Variants in CRB2 observed in about 807,000 individuals in gnomAD.
The protein encoded by CRB2 is crumbs cell polarity complex component 2, also known as protein crumbs homolog 2.
A neutral mutation model predicts 110.9 loss-of-function variants in CRB2; 85 were observed. The ratio of observed to expected loss-of-function variants is 0.77; its 90% CI spans 0.64 to 0.92. CRB2 has a LOEUF of 0.92. Ranked by LOEUF, CRB2 falls within the 40% of genes least tolerant of loss-of-function variation. The pLI, the probability that CRB2 is intolerant of heterozygous loss-of-function variation, is 0.00. For synonymous variants in CRB2, 907 were observed against 831.0 expected (o/e 1.09, Z -1.57); for missense variants, 1,843 against 1,851.3 (o/e 1.00, Z 0.08).
At position 123,371,474 on chromosome 9, in the gene CRB2, C is replaced by A. The variant is rs758601913; in HGVS notation, c.2332C>A (p.Pro778Thr). ...CCTGCGACTCGATGGCTGCCACCTC[C>A]CCTTCTTTCCTCTGCCACTGGATAA... ...QDLRLDGCHLPFFPLPLDNSS... is the reference protein window; with the variant it reads ...QDLRLDGCHLTFFPLPLDNSS... The change falls in exon 8 of 13, where the codon CCC becomes ACC. Residue 778 changes from proline (P) to threonine (T), a missense_variant. Physicochemically the swap from Pro to Thr is conservative, Grantham distance 38. Transcript: ENST00000373631. 4 of 1,613,148 alleles carry A rather than the reference C, an allele frequency of 2.5e-6. No individual in the cohort carries two copies. The East Asian group carries it at 8.9e-5, about 36-fold the overall frequency.
chr9:123,374,781 C>A, intron 11 of CRB2, 86 bp downstream of exon 11: 2 of 866,290 alleles, frequency 2.3e-6, no homozygotes, highest in South Asian at 3.1e-5. Flanking sequence ...GGGGTCCTCG[C>A]CCACCTTCTC....
rs753426684 is a variant in CRB2, at chr9:123,370,268, C to T, written c.1215C>T (p.Cys405=). The T allele has an allele frequency of 1.2e-6, 2 of 1,613,344 alleles. No individual in the cohort carries two copies. Among genetic ancestry groups the T allele is most frequent in the Non-Finnish European group, 8.5e-7 (1 of 1,180,018 alleles). The change falls in exon 7 of 13, where the codon TGC becomes TGT. Residue 405 remains cysteine (C), a synonymous_variant. Transcript: ENST00000373631. Reference sequence around the variant, plus strand: ...TCACTGGCTGCCAGGGCCACACCTGCCCGCTGGCTGCCACCTGCATCCCTA... The same window carrying T: ...TCACTGGCTGCCAGGGCCACACCTGTCCGCTGGCTGCCACCTGCATCCCTA... ...VQLTGCQGHT[C]PLAATCIPIF...
chr9:123,372,085 TAGG>T, intron 8 of CRB2, 89 bp from the exon 9 acceptor site: 1 of 1,241,268 alleles, frequency 8.1e-7, no homozygotes, highest in South Asian at 1.3e-5. Context: ...GTGTCTGTAG[TAGG>T]TGCTCAGCGA....
At position 123,375,209 on chromosome 9, in the gene CRB2, C is replaced by G. The variant is rs745586143; in HGVS notation, c.3507-8C>G. The G allele has an allele frequency of 1.6e-5, 25 of 1,612,548 alleles. No homozygotes were observed. Among genetic ancestry groups the G allele is most frequent in the Non-Finnish European group, 2.1e-5 (25 of 1,179,488 alleles). On this transcript the variant is annotated splice_region_variant and splice_polypyrimidine_tract_variant and intron_variant, in intron 11 of 12. Coordinates refer to ENST00000373631, the MANE Select transcript of CRB2 (RefSeq NM_173689.7). ...GAAGCCGCTTTCTCAGCCCCCCTCC[C>G]TCTCCAGGTGTCAGGTCCCCACTCT... is the stretch of plus-strand genomic sequence containing the variant.
At chr9:123,373,022 G>C (rs115964262) in intron 9 of CRB2, 112 bp from the exon 10 acceptor site, 2 of 862,662 alleles carry the variant, frequency 2.3e-6, no homozygotes, top group South Asian at 1.9e-5. Context: ...AGGTGGGTGC[G>C]TGTGCCCCAC....
chr9:123,375,757 G>A (rs1304133709), intron 12 of CRB2, among the ~76,000 whole-genome samples: 2 of 152,222 alleles, frequency 1.3e-5, no homozygotes, highest in Non-Finnish European at 2.9e-5. Context: ...GGAGGGGCAG[G>A]GGGCCTGGGA....
intron 8 of CRB2, 71 bp downstream of exon 8, chr9:123,371,649 G>A: frequency 2.5e-6 from 4 of 1,590,132 alleles, no homozygotes; most frequent in South Asian, 1.1e-5. Flanking sequence ...TGTGTCACCG[G>A]GGCTTAGTGT....
Position 123,361,022 on chromosome 9 carries a change from C to G in CRB2, c.95-1843C>G, listed in dbSNP as rs892134693. Among the ~76,000 whole-genome samples, 8 of 151,892 alleles carry G rather than the reference C, an allele frequency of 5.3e-5. No homozygotes were observed. The East Asian group carries it at 1.6e-3, about 29-fold the overall frequency. ...CTGCTCCCATGGTCCTGGGAAGATC[C>G]CTTGTGACAAGGCACCTCCCCCGCC... On this transcript the variant is annotated intron_variant, in intron 1 of 12. Transcript: ENST00000373631.
chr9:123,356,777 G>C (rs1383655769), intron 1 of CRB2, among the ~76,000 whole-genome samples: 1 of 152,080 alleles, frequency 6.6e-6, no homozygotes, highest in Admixed American at 6.5e-5. Context: ...GTCGCATGCT[G>C]GGTTGTGGGG....
chr9:123,356,046 G>C (rs907986471), upstream of CRB2: 1 of 422,970 alleles, frequency 2.4e-6, no homozygotes, highest in Non-Finnish European at 4.2e-6. Flanking sequence ...AGGCTAGGGG[G>C]CTTGAGGACT....
At position 123,373,265 on chromosome 9, in the gene CRB2, G is replaced by A. The variant is rs190044925; in HGVS notation, c.2734G>A (p.Ala912Thr). The A allele has an allele frequency of 5.4e-6, 8 of 1,485,428 alleles. No individual in the cohort carries two copies. Among genetic ancestry groups the A allele is most frequent in the Non-Finnish European group, 7.1e-6 (8 of 1,127,068 alleles). The allele number at this position is 1,485,428 out of a possible 1,614,324, so 92.0% of individuals were successfully genotyped here. The change falls in exon 10 of 13, where the codon GCC becomes ACC. Residue 912 changes from alanine to threonine, a missense_variant. Ala to Thr is a moderately conservative substitution (Grantham distance 58). Coordinates refer to ENST00000373631, the MANE Select transcript of CRB2 (RefSeq NM_173689.7). ...TRDSEAWLLR[A>T]AAGALEGVWL... ...CGACTCCGAGGCCTGGCTGCTGCGTGCCGCGGCGGGCGCCCTGGAAGGCGT... is the reference window on the plus strand; with the variant it reads ...CGACTCCGAGGCCTGGCTGCTGCGTACCGCGGCGGGCGCCCTGGAAGGCGT...
At position 123,362,920 on chromosome 9, in the gene CRB2, G is replaced by T; in HGVS notation, c.150G>T (p.Gly50=). ...SACASDPCAP[G]TECQATESGG... ...GTGCCTCAGACCCGTGCGCTCCAGG[G>T]ACCGAGTGCCAGGCTACCGAGAGTG... The change falls in exon 2 of 13, where the codon GGG becomes GGT. Residue 50 remains glycine, a synonymous_variant. Transcript: ENST00000373631. 3.1e-6 allele frequency: 5 copies of T among 1,601,052 alleles called. No individual in the cohort carries two copies. Among genetic ancestry groups the T allele is most frequent in the Non-Finnish European group, 4.3e-6 (5 of 1,169,884 alleles).
intron 9 of CRB2, 45 bp from the exon 10 acceptor site, chr9:123,373,089 G>A (rs2042039689): frequency 4.9e-6 from 7 of 1,419,730 alleles, no homozygotes; most frequent in Non-Finnish European, 6.5e-6. Flanking sequence ...GGCATTTCTG[G>A]AGAAGGCTCC....
At chr9:123,374,049 G>A in intron 10 of CRB2, 129 bp downstream of exon 10, 1 of 1,159,564 alleles carries the variant, frequency 8.6e-7, no homozygotes, top group South Asian at 1.3e-5. Flanking sequence ...TGTGACATGA[G>A]GAGGACAGTT....
At position 123,367,021 on chromosome 9, in the gene CRB2, C is replaced by A. The variant is rs551464041; in HGVS notation, c.755-151C>A. On this transcript the variant is annotated intron_variant, in intron 4 of 12. Coordinates refer to ENST00000373631, the MANE Select transcript of CRB2 (RefSeq NM_173689.7). The stretch of plus-strand genomic sequence containing the variant: ...CACTGCTGCTGAAGGCTGCCGTGGT[C>A]ATTCCTGCGGCCCTTAGTGTGTCCC... The A allele has an allele frequency of 1.0e-5, 7 of 689,436 alleles. 1 individual carries two copies. In the South Asian group the frequency reaches 1.5e-4, roughly 15 times the overall value. The allele number at this position is 689,436 out of a possible 1,614,324, so 42.7% of individuals were successfully genotyped here.
rs960292633 is a variant in CRB2, at chr9:123,366,239, C to T, written c.627C>T (p.Asp209=). The change falls in exon 4 of 13, where the codon GAC becomes GAT. Residue 209 remains aspartate, a synonymous_variant. Coordinates refer to ENST00000373631, the MANE Select transcript of CRB2 (RefSeq NM_173689.7). ...CHDLVNGFRC[D]CAGTGYEGTH... is the part of the protein sequence containing the mutation. Reference sequence around the variant, plus strand: ...GCGCCCTCCCCAGGTTCCGGTGCGACTGCGCGGGCACCGGCTACGAGGGCA... The same window carrying T: ...GCGCCCTCCCCAGGTTCCGGTGCGATTGCGCGGGCACCGGCTACGAGGGCA... The T allele has an allele frequency of 3.9e-5, 57 of 1,471,376 alleles. No individual in the cohort carries two copies. Among genetic ancestry groups the T allele is most frequent in the Non-Finnish European group, 5.0e-5 (56 of 1,121,384 alleles). 91.1% of individuals were successfully genotyped at this position (1,471,376 alleles called of 1,614,324 possible).
chr9:123,356,454 G>A lies in CRB2; in HGVS notation c.94+100G>A, dbSNP rs549592346. 8.3e-4 allele frequency: 770 copies of A among 932,716 alleles called. 2 individuals carry two copies. In the African/African-American group the frequency reaches 0.01, roughly 12 times the overall value. 57.8% of individuals were successfully genotyped at this position (932,716 alleles called of 1,614,324 possible). On this transcript the variant is annotated intron_variant, in intron 1 of 12. Transcript: ENST00000373631. The stretch of plus-strand genomic sequence containing the variant: ...GCTGGGGTGGTGGGTGGGCTGGTCC[G>A]CGTGGGTGCAGGCCTGAGCTGTGGG...
rs1243144293 is a variant in CRB2 at position 123,356,347 on chromosome 9, C to T, written c.87C>T (p.Leu29=). ...TGCTCTGGGCCCCTGCCCTTTCCCTCCTGGCTGGTGAGTTGGGGCCCATGT... is the reference window on the plus strand; with the variant it reads ...TGCTCTGGGCCCCTGCCCTTTCCCTTCTGGCTGGTGAGTTGGGGCCCATGT... ...LLLLWAPALS[L]LAGTVPSEPP... Residue 29 remains leucine (L), a synonymous_variant, in exon 1 of 13, where the codon CTC becomes CTT. Coordinates refer to ENST00000373631, the MANE Select transcript of CRB2 (RefSeq NM_173689.7). 2.6e-6 allele frequency: 4 copies of T among 1,546,704 alleles called. No homozygotes were observed. In the South Asian group the frequency reaches 4.8e-5, roughly 19 times the overall value.
At position 123,373,577 on chromosome 9, in the gene CRB2, C is replaced by T. The variant is rs1300901900; in HGVS notation, c.3046C>T (p.Arg1016Cys). The change falls in exon 10 of 13, where the codon CGC (arginine) becomes TGC (cysteine). Residue 1016 changes from arginine to cysteine, a missense_variant. Coordinates refer to ENST00000373631, the MANE Select transcript of CRB2 (RefSeq NM_173689.7). ...LAENFTGCLGRVALGGLPLPL... is the reference protein window; with the variant it reads ...LAENFTGCLGCVALGGLPLPL... ...TGAGAACTTCACCGGCTGCTTGGGCCGCGTGGCGCTGGGCGGCCTGCCCCT... is the reference window on the plus strand; with the variant it reads ...TGAGAACTTCACCGGCTGCTTGGGCTGCGTGGCGCTGGGCGGCCTGCCCCT... 4.8e-6 allele frequency: 7 copies of T among 1,457,012 alleles called. No homozygotes were observed. Among genetic ancestry groups the T allele is most frequent in the Admixed American group, 2.3e-5 (1 of 43,336 alleles). 90.3% of individuals were successfully genotyped at this position (1,457,012 alleles called of 1,614,324 possible).
Sources: gnomAD v4.1 joint callset for allele counts (sites outside exome capture counted in the v4.1 genomes callset) on GRCh38, gnomAD v4.1.1 for gene constraint, MANE v1.5 for transcripts, NCBI Gene and HGNC (gene_info 2026-07-23, HGNC 2026-07-21) for gene names.